ATG2B: variants seen among roughly 807,000 people sequenced by gnomAD.
The protein encoded by ATG2B is autophagy related 2B.
Under a neutral mutation model 241.3 loss-of-function variants are expected in ATG2B, and 121 were observed. The ratio of observed to expected loss-of-function variants is 0.50; its 90% CI spans 0.43 to 0.58. ATG2B has a LOEUF of 0.58. ATG2B is among the 20% of genes least tolerant of loss of function. The pLI is 0.00. For missense variants in ATG2B, 2,306 were observed against 2,491.6 expected, an observed-to-expected ratio of 0.93 and a Z score of 1.59; for synonymous variants, 858 against 876.6, an observed-to-expected ratio of 0.98 and a Z score of 0.37.
intron 15 of ATG2B, 112 bp downstream of exon 15, chr14:96,325,537 G>A (rs945835315): frequency 1.0e-6 from 1 of 965,284 alleles, no homozygotes; most frequent in African/African-American, 1.6e-5. Flanking sequence ...TTAACATAAT[G>A]TTCTTTAATT....
rs148843807 is a variant in ATG2B, at chr14:96,296,364, C to A, written c.5140-804G>T. 4.3e-3 allele frequency among the ~76,000 whole-genome samples: 660 copies of A among 152,210 alleles called. 26 individuals carry two copies. In the South Asian group the frequency reaches 0.067, roughly 16 times the overall value. Reference sequence around the variant, plus strand: ...TTTGTACGTACATGCCATATTTGCCCATTATAGGCAGCTTCGTTTTGCCTA... The same window carrying A: ...TTTGTACGTACATGCCATATTTGCCAATTATAGGCAGCTTCGTTTTGCCTA... On this transcript the variant is annotated intron_variant, in intron 34 of 41. Coordinates refer to ENST00000359933, the MANE Select transcript of ATG2B (RefSeq NM_018036.7).
At chr14:96,340,129 ATCATATAT>A (rs2139891075) in intron 6 of ATG2B, among the ~76,000 whole-genome samples, 1 of 23,916 alleles carries the variant, frequency 4.2e-5, no homozygotes, top group Non-Finnish European at 7.7e-5. Context: ...GAATATATAT[ATCATATAT>A]GATATATATG....
rs764181712 is a variant in ATG2B, at chr14:96,305,863, C to T, written c.4507-48G>A. Reference sequence around the variant, plus strand: ...ACATACTCTCTTTTCTAATTAGAAACAACTGATTATGCTGCACATCTCAAG... The same window carrying T: ...ACATACTCTCTTTTCTAATTAGAAATAACTGATTATGCTGCACATCTCAAG... On this transcript the variant is annotated intron_variant, in intron 30 of 41. Coordinates refer to ENST00000359933, the MANE Select transcript of ATG2B (RefSeq NM_018036.7). The T allele has an allele frequency of 2.2e-5, 32 of 1,433,398 alleles. No homozygotes were observed. The Admixed American group carries it at 5.4e-4, about 24-fold the overall frequency. 88.8% of individuals were successfully genotyped at this position (1,433,398 alleles called of 1,614,324 possible).
At chr14:96,330,372 A>C (rs1887700899) in intron 11 of ATG2B, among the ~76,000 whole-genome samples, 1 of 152,256 alleles carries the variant, frequency 6.6e-6, no homozygotes, top group Non-Finnish European at 1.5e-5. Context: ...TTTTCTAAAA[A>C]TACTAATATA....
intron 36 of ATG2B, among the ~76,000 whole-genome samples, chr14:96,294,089 A>AT (rs550570795): frequency 1.1e-3 from 164 of 152,268 alleles, no homozygotes; most frequent in African/African-American, 3.8e-3. Context: ...ATCATATTCC[A>AT]TTTTTTCTAC....
At chr14:96,362,754 G>A in intron 1 of ATG2B, 61 bp downstream of exon 1, 1 of 1,532,262 alleles carries the variant, frequency 6.5e-7, no homozygotes, top group Non-Finnish European at 8.8e-7. Flanking sequence ...GGATGGCACT[G>A]GTTCAAAGCG....
rs1289407053 is a variant in ATG2B, at chr14:96,317,123, A to G, written c.3210+22T>C. 8 of 1,578,514 alleles carry G rather than the reference A, an allele frequency of 5.1e-6. No individual in the cohort carries two copies. In the African/African-American group the frequency reaches 5.5e-5, roughly 11 times the overall value. ...TAAAGTAAGATACATTTGAAAAAACACTTCGGATTTGTAAACCTCACCTTC... is the reference window on the plus strand; with the variant it reads ...TAAAGTAAGATACATTTGAAAAAACGCTTCGGATTTGTAAACCTCACCTTC... On this transcript the variant is annotated intron_variant, in intron 20 of 41. Transcript: ENST00000359933.
At position 96,309,566 on chromosome 14, in the gene ATG2B, C is replaced by T. The variant is rs370147675; in HGVS notation, c.4190G>A (p.Arg1397His). Residue 1397 changes from arginine (R) to histidine (H), a missense_variant, in exon 29 of 42, where the codon CGT (arginine) becomes CAT (histidine). Physicochemically the swap from Arg to His is conservative, Grantham distance 29. Coordinates refer to ENST00000359933, the MANE Select transcript of ATG2B (RefSeq NM_018036.7). ...ATCTGCTTCAGGAAGTACTGGACCACGTGAGGATGATCGACCACTGGAATC... is the reference window on the plus strand; with the variant it reads ...ATCTGCTTCAGGAAGTACTGGACCATGTGAGGATGATCGACCACTGGAATC... Reference protein sequence around the residue: ...KVDSSGRSSSRGPVLPEADQQ... With the variant: ...KVDSSGRSSSHGPVLPEADQQ... The T allele has an allele frequency of 6.2e-6, 10 of 1,613,396 alleles. No homozygotes were observed. Among genetic ancestry groups the T allele is most frequent in the East Asian group, 4.5e-5 (2 of 44,886 alleles).
At chr14:96,316,307 C>T (rs1887311207) in intron 21 of ATG2B, among the ~76,000 whole-genome samples, 1 of 152,158 alleles carries the variant, frequency 6.6e-6, no homozygotes, top group Non-Finnish European at 1.5e-5. Context: ...CTGAAAGGTA[C>T]ACTTTAAATG....
At chr14:96,308,282 A>ATATATATATATTTTTTTTTTTTTTTT (rs1566720002) in intron 29 of ATG2B, among the ~76,000 whole-genome samples, 1 of 37,036 alleles carries the variant, frequency 2.7e-5, no homozygotes, top group African/African-American at 1.0e-4. Flanking sequence ...ATATATATAT[A>ATATATATATATTTTTTTTTTTTTTTT]TTTTTTTTTT....
At chr14:96,343,008 A>T in intron 5 of ATG2B, 111 bp downstream of exon 5, 1 of 719,044 alleles carries the variant, frequency 1.4e-6, no homozygotes, top group Non-Finnish European at 2.1e-6. Flanking sequence ...TTAAATCTCA[A>T]GACAGAGATT....
In ATG2B at chr14:96,305,589, A is replaced by G. The variant is rs775079690; in HGVS notation, c.4733T>C (p.Ile1578Thr). 6.3e-6 allele frequency: 10 copies of G among 1,595,492 alleles called. No individual in the cohort carries two copies. In the Admixed American group the frequency reaches 1.5e-4, roughly 24 times the overall value. ...TAAACTTATATAGAAATTAACTTACATATAACTTTTAGCCGGAGAAGTGGG... is the reference window on the plus strand; with the variant it reads ...TAAACTTATATAGAAATTAACTTACGTATAACTTTTAGCCGGAGAAGTGGG... ...VPPTSPAKSYISPHSSPSHTP... is the reference protein window; with the variant it reads ...VPPTSPAKSYTSPHSSPSHTP... The change falls in exon 31 of 42, where the codon ATT (isoleucine) becomes ACT (threonine). Residue 1578 changes from isoleucine to threonine, a missense_variant and splice_region_variant. Around this residue, in one of 2 missense-constraint regions of ATG2B, gnomAD observed 1,927 missense variants for 2,011.2 expected, o/e 0.96. Coordinates refer to ENST00000359933, the MANE Select transcript of ATG2B (RefSeq NM_018036.7).
intron 1 of ATG2B, among the ~76,000 whole-genome samples, chr14:96,354,034 AAAGT>A (rs1227289719): frequency 4.6e-5 from 7 of 152,240 alleles, no homozygotes; most frequent in Non-Finnish European, 5.9e-5. Flanking sequence ...ATTATAATAA[AAAGT>A]AAGTCAATTT....
chr14:96,282,598 T>C lies in ATG2B; in HGVS notation c.*3157A>G, dbSNP rs1266680369. On this transcript the variant is annotated 3_prime_UTR_variant, in exon 42 of 42. Coordinates refer to ENST00000359933, the MANE Select transcript of ATG2B (RefSeq NM_018036.7). The stretch of plus-strand genomic sequence containing the variant: ...TCAATCCTGAAACCATTTAGTGCAA[T>C]TGGGGATTCCTCATTTTAAGTCGCT... 3.3e-5 allele frequency: 5 copies of C among 152,390 alleles called. No homozygotes were observed. Among genetic ancestry groups the C allele is most frequent in the South Asian group, 2.1e-4 (1 of 4,832 alleles). 9.4% of individuals were successfully genotyped at this position (152,390 alleles called of 1,614,324 possible).
chr14:96,334,646 A>C, intron 6 of ATG2B, 145 bp from the exon 7 acceptor site: 1 of 500,068 alleles, frequency 2.0e-6, no homozygotes, highest in Non-Finnish European at 3.5e-6. Flanking sequence ...ACTAATTCAC[A>C]CCATCTAAAT....
chr14:96,300,889 ATT>A (rs1051356268), intron 34 of ATG2B, among the ~76,000 whole-genome samples: 2 of 152,224 alleles, frequency 1.3e-5, no homozygotes, highest in Non-Finnish European at 2.9e-5. Context: ...GTCTTGAAAT[ATT>A]TGTTACCAGC....
At position 96,328,540 on chromosome 14, in the gene ATG2B, TA is replaced by T. The variant is rs542534443; in HGVS notation, c.1975-6del. 47,973 of 958,938 alleles carry T rather than the reference TA, an allele frequency of 0.05. 1 individual carries two copies. The highest frequency in any genetic ancestry group is 0.084 in the South Asian group (4,446 of 52,704). The allele number at this position is 958,938 out of a possible 1,614,324, so 59.4% of individuals were successfully genotyped here. A position where few individuals can be genotyped will look rare whatever the true frequency, so the allele number is the denominator to read the frequency against. On this transcript the variant is annotated splice_polypyrimidine_tract_variant and splice_region_variant and intron_variant, in intron 13 of 41. Transcript: ENST00000359933. ...ACTAAGTCTTGCTTGATTACCCTTT[TA>T]AAAAAAAAAAAGAAAAGGCATTAAT...
At chr14:96,359,283 T>C (rs1001808612) in intron 1 of ATG2B, among the ~76,000 whole-genome samples, 2 of 151,266 alleles carry the variant, frequency 1.3e-5, no homozygotes, top group Non-Finnish European at 2.9e-5. Flanking sequence ...GGAGGAGAGG[T>C]AGGAGGATCG....
chr14:96,349,981 C>T (rs571996721), intron 1 of ATG2B, among the ~76,000 whole-genome samples: 1 of 152,082 alleles, frequency 6.6e-6, no homozygotes, highest in South Asian at 2.1e-4. Context: ...CACATCAAAA[C>T]CCTGACTCTA....
Sources: gnomAD v4.1 joint callset for allele counts (sites outside exome capture counted in the v4.1 genomes callset) on GRCh38, gnomAD v4.1.1 for gene constraint, gnomAD v4.1.1 regional missense constraint, MANE v1.5 for transcripts, NCBI Gene and HGNC (gene_info 2026-07-23, HGNC 2026-07-21) for gene names.